Variants in DMD observed in about 807,000 individuals in gnomAD.
The protein encoded by DMD is dystrophin.
Under a neutral mutation model 330.1 loss-of-function variants are expected in DMD, and 63 were observed. That is an observed-to-expected ratio of 0.19 (90% confidence interval 0.16 to 0.24). The LOEUF is 0.24. Among genes scored for constraint, DMD ranks in the 10% least tolerant of loss-of-function variants. The pLI, the probability that DMD is intolerant of heterozygous loss-of-function variation, is 1.00. For missense variants in DMD, 3,344 were observed against 2,684.1 expected (o/e 1.25, Z -5.43); for synonymous variants, 1,223 against 959.8 (o/e 1.27, Z -5.07).
chrX:33,108,868 G>A (rs867210310), intron 1 of DMD, among the ~76,000 whole-genome samples: 2 of 24,229 alleles, frequency 8.3e-5, no homozygotes, highest in African/African-American at 9.5e-5. Flanking sequence ...CTCCGTTTCG[G>A]AAAAAAAAAA....
At chrX:31,972,748 AT>A (rs777135722) in intron 44 of DMD, among the ~76,000 whole-genome samples, 2 of 111,825 alleles carry the variant, frequency 1.8e-5, no homozygotes, top group Non-Finnish European at 3.8e-5. Flanking sequence ...AGACAGGTAA[AT>A]CATTAACCGA....
At chrX:33,037,538 C>A (rs1177206154) in intron 1 of DMD, among the ~76,000 whole-genome samples, 2 of 111,156 alleles carry the variant, frequency 1.8e-5, no homozygotes, top group Non-Finnish European at 3.8e-5. Context: ...TCAATTCATG[C>A]CAATTATAGG....
At chrX:31,654,165 C>G (rs566194237) in intron 54 of DMD, among the ~76,000 whole-genome samples, 10 of 112,073 alleles carry the variant, frequency 8.9e-5, no homozygotes, top group Admixed American at 7.6e-4. Context: ...AAGCAAATTT[C>G]TTTCAAGTAC....
At chrX:31,636,918 T>C (rs1407423305) in intron 54 of DMD, among the ~76,000 whole-genome samples, 1 of 111,887 alleles carries the variant, frequency 8.9e-6, no homozygotes, top group Non-Finnish European at 1.9e-5. Context: ...TATGAAATTA[T>C]ACAAAGTTAT....
rs1372324062 is a variant in DMD at position 33,170,019 on chromosome X, C to T, written c.31+41263G>A. ...CTCTGAAAAGTACATTGGCTAATGC[C>T]CAGGGCAAGATGGATACTTTTAGGT... is the stretch of plus-strand genomic sequence containing the variant. On this transcript the variant is annotated intron_variant, in intron 1 of 78. Coordinates refer to ENST00000357033, the MANE Select transcript of DMD (RefSeq NM_004006.3). 2.7e-5 allele frequency among the ~76,000 whole-genome samples: 3 copies of T among 110,998 alleles called. No individual in the cohort carries two copies. In the East Asian group the frequency reaches 8.4e-4, roughly 31 times the overall value.
intron 44 of DMD, among the ~76,000 whole-genome samples, chrX:32,178,940 T>TTCTCTCTCTCTCTCTC (rs528690053): frequency 1.5e-4 from 10 of 68,616 alleles, no homozygotes; most frequent in East Asian, 1.0e-3. Flanking sequence ...AAACCCCAGA[T>TTCTCTCTCTCTCTCTC]TCTCTCTCTC....
At chrX:33,123,728 T>G (rs1325411049) in intron 1 of DMD, among the ~76,000 whole-genome samples, 2 of 102,638 alleles carry the variant, frequency 1.9e-5, no homozygotes, top group African/African-American at 4.2e-5. Flanking sequence ...CAAATGAGTT[T>G]TTTTTTTTTT....
chrX:32,207,835 CA>C (rs2097076858), intron 44 of DMD, among the ~76,000 whole-genome samples: 1 of 111,637 alleles, frequency 9.0e-6, no homozygotes, highest in Non-Finnish European at 1.9e-5. Flanking sequence ...GTTGTTTCAG[CA>C]ATCCATTACT....
chrX:32,925,610 A>G (rs12849325), intron 2 of DMD, among the ~76,000 whole-genome samples: 12,686 of 111,444 alleles, frequency 0.11, 701 homozygotes, highest in East Asian at 0.22. Context: ...ACTGCTAAAA[A>G]GGCTTTAAGA....
chrX:32,901,025 T>A (rs749098416), intron 2 of DMD, among the ~76,000 whole-genome samples: 33 of 111,379 alleles, frequency 3.0e-4, no homozygotes, highest in Non-Finnish European at 4.9e-4. Flanking sequence ...GATGAAAATA[T>A]GTTTGGTATA....
intron 30 of DMD, among the ~76,000 whole-genome samples, chrX:32,404,492 C>T (rs2098106304): frequency 9.0e-6 from 1 of 111,208 alleles, no homozygotes; most frequent in Non-Finnish European, 1.9e-5. Flanking sequence ...TGGGAAAAAA[C>T]AAATAGAACA....
At chrX:32,370,064 G>C (rs2097868320) in intron 34 of DMD, among the ~76,000 whole-genome samples, 1 of 111,070 alleles carries the variant, frequency 9.0e-6, no homozygotes, top group African/African-American at 3.3e-5. Context: ...GAACAGGAGA[G>C]GGTTCTTTCA....
intron 1 of DMD, among the ~76,000 whole-genome samples, chrX:33,221,008 A>G (rs956387262): frequency 6.2e-5 from 7 of 112,119 alleles, no homozygotes; most frequent in Non-Finnish European, 1.1e-4. Flanking sequence ...AGATCATCAT[A>G]AAATTTAAAA....
chrX:32,573,218 G>A (rs1221465717), intron 15 of DMD, among the ~76,000 whole-genome samples: 1 of 111,472 alleles, frequency 9.0e-6, no homozygotes, highest in Non-Finnish European at 1.9e-5. Flanking sequence ...TATTTTTTTA[G>A]AACTATGCTG....
chrX:32,866,191 G>A (rs1438320852), intron 2 of DMD, among the ~76,000 whole-genome samples: 1 of 112,144 alleles, frequency 8.9e-6, no homozygotes, highest in African/African-American at 3.2e-5. Flanking sequence ...CTAGCAGACA[G>A]CCAGACATTT....
intron 61 of DMD, among the ~76,000 whole-genome samples, chrX:31,339,969 T>C (rs2057635721): frequency 8.9e-6 from 1 of 112,686 alleles, no homozygotes; most frequent in Non-Finnish European, 1.9e-5. Flanking sequence ...GTAGCATAGG[T>C]TGGAGCACTG....
chrX:32,588,854 G>C (rs1458352803), intron 13 of DMD, among the ~76,000 whole-genome samples: 3 of 112,135 alleles, frequency 2.7e-5, no homozygotes, highest in Admixed American at 9.4e-5. Flanking sequence ...TAGGTTTCTG[G>C]TACAGGTGTC....
intron 7 of DMD, among the ~76,000 whole-genome samples, chrX:32,728,921 C>A (rs893448220): frequency 7.2e-5 from 8 of 111,813 alleles, no homozygotes; most frequent in Admixed American, 6.7e-4. Context: ...ATACTTTTAC[C>A]TATCCACTCA....
intron 67 of DMD, among the ~76,000 whole-genome samples, chrX:31,198,556 T>TATGGACATAA (rs2043137892): frequency 8.9e-6 from 1 of 112,385 alleles, no homozygotes; most frequent in African/African-American, 3.2e-5. Flanking sequence ...TGAGTACTAT[T>TATGGACATAA]ATGTGTCCAT....
Sources: gnomAD v4.1 joint callset for allele counts (sites outside exome capture counted in the v4.1 genomes callset) on GRCh38, gnomAD v4.1.1 for gene constraint, MANE v1.5 for transcripts, NCBI Gene and HGNC (gene_info 2026-07-23, HGNC 2026-07-21) for gene names.